The following ANKFY1 variants were observed in gnomAD, a reference collection of about 807,000 sequenced individuals.
ANKFY1 encodes ankyrin repeat and FYVE domain containing 1.
ANKFY1 carries 47 observed loss-of-function variants against 128.3 expected under a neutral mutation model. That is an observed-to-expected ratio of 0.37 (90% CI 0.29 to 0.47). The LOEUF is 0.47. Ranked by LOEUF, ANKFY1 falls within the 20% of genes least tolerant of loss-of-function variation. The probability of loss-of-function intolerance (pLI) is 1.00; values close to 1 mark genes in which losing one functional copy is unlikely to be tolerated. For missense variants in ANKFY1, 1,222 were observed against 1,510.6 expected (o/e 0.81, Z 3.17); for synonymous variants, 553 against 601.6 (o/e 0.92, Z 1.18).
At chr17:4,172,430 G>C (rs1292245875) in intron 22 of ANKFY1, 126 bp downstream of exon 22, 1 of 1,335,414 alleles carries the variant, frequency 7.5e-7, no homozygotes, top group South Asian at 1.4e-5. Flanking sequence ...ACTCACACCC[G>C]GAGGGCCCAA....
chr17:4,218,387 G>T (rs1437461584), intron 3 of ANKFY1, among the ~76,000 whole-genome samples: 1 of 152,170 alleles, frequency 6.6e-6, no homozygotes, highest in Non-Finnish European at 1.5e-5. Context: ...AAACTAGATA[G>T]ATATATATTC....
chr17:4,166,405 C>T lies in ANKFY1; in HGVS notation c.*1374G>A, dbSNP rs1343925408. On this transcript the variant is annotated 3_prime_UTR_variant, in exon 25 of 25. Transcript: ENST00000341657. ...AGATTGTTAATCTCTGAGTATAACA[C>T]ATATTGTTCATCTCAGAGTTGTTTT... is the stretch of plus-strand genomic sequence containing the variant. 2.0e-5 allele frequency: 3 copies of T among 152,656 alleles called. No individual in the cohort carries two copies. The highest frequency in any genetic ancestry group is 1.9e-4 in the East Asian group (1 of 5,200). The allele number at this position is 152,656 out of a possible 1,614,324, so 9.5% of individuals were successfully genotyped here.
rs1008426244 is a variant in ANKFY1, at chr17:4,184,666, C to T, written c.1699+152G>A. Reference sequence around the variant, plus strand: ...GAAGCAGCAGTCAAGAGCCAGACTACATGCTTCTCTAGTTTGACCTGAAAG... The same window carrying T: ...GAAGCAGCAGTCAAGAGCCAGACTATATGCTTCTCTAGTTTGACCTGAAAG... On this transcript the variant is annotated intron_variant, in intron 12 of 24. Transcript: ENST00000341657. The T allele has an allele frequency of 1.1e-5, 9 of 803,238 alleles. No homozygotes were observed. In the African/African-American group the frequency reaches 1.4e-4, roughly 12 times the overall value. The allele number at this position is 803,238 out of a possible 1,614,324, so 49.8% of individuals were successfully genotyped here.
rs1249004885 is a variant in ANKFY1 at position 4,166,820 on chromosome 17, T to C, written c.*959A>G. ...CCTCTCATCACTTGGCCTGTATGAA[T>C]CTCTTGCTCTAAAAGATGCTCTGTA... On this transcript the variant is annotated 3_prime_UTR_variant, in exon 25 of 25. Transcript: ENST00000341657. The C allele has an allele frequency of 6.6e-6, 1 of 152,280 alleles. No homozygotes were observed. Among genetic ancestry groups the C allele is most frequent in the Non-Finnish European group, 1.5e-5 (1 of 68,038 alleles). The allele number at this position is 152,280 out of a possible 1,614,324, so 9.4% of individuals were successfully genotyped here. A position where few individuals can be genotyped will look rare whatever the true frequency, so the allele number is the denominator to read the frequency against.
chr17:4,189,962 T>G (rs2059688483), intron 10 of ANKFY1, among the ~76,000 whole-genome samples: 1 of 152,164 alleles, frequency 6.6e-6, no homozygotes, highest in Non-Finnish European at 1.5e-5. Context: ...TCCCTGGGAT[T>G]CCCGCTAGCC....
At chr17:4,217,148 A>G in intron 3 of ANKFY1, 30 bp from the exon 4 acceptor site, 1 of 1,603,960 alleles carries the variant, frequency 6.2e-7, no homozygotes, top group Non-Finnish European at 8.5e-7. Flanking sequence ...ACAACTGAAA[A>G]AGCATAGAAT....
chr17:4,194,969 G>C lies in ANKFY1; in HGVS notation c.1372+9C>G, dbSNP rs202208375. The C allele has an allele frequency of 4.2e-5, 67 of 1,614,182 alleles. 2 individuals are homozygous for C. The South Asian group carries it at 7.1e-4, about 17-fold the overall frequency. On this transcript the variant is annotated intron_variant, in intron 10 of 24. Coordinates refer to ENST00000341657, the MANE Select transcript of ANKFY1 (RefSeq NM_001330063.2). Reference sequence around the variant, plus strand: ...CCAGCGTCGCCCCTTCGGGAGGCACGTGCTTTACCTGTCGCCGTGTCAGGT... The same window carrying C: ...CCAGCGTCGCCCCTTCGGGAGGCACCTGCTTTACCTGTCGCCGTGTCAGGT...
intron 1 of ANKFY1, among the ~76,000 whole-genome samples, chr17:4,250,530 T>C (rs1256621937): frequency 2.0e-5 from 3 of 152,198 alleles, no homozygotes; most frequent in African/African-American, 7.2e-5. Flanking sequence ...CAGAGAGTTA[T>C]ATACTACGCT....
intron 1 of ANKFY1, among the ~76,000 whole-genome samples, chr17:4,243,947 T>A (rs1280694168): frequency 2.6e-5 from 4 of 151,982 alleles, no homozygotes; most frequent in African/African-American, 9.7e-5. Context: ...TTTTTTTTTT[T>A]TGAGACAGAG....
chr17:4,255,220 G>T (rs985369413), intron 1 of ANKFY1, among the ~76,000 whole-genome samples: 1 of 148,364 alleles, frequency 6.7e-6, no homozygotes. Flanking sequence ...CTTTAGCAAT[G>T]AATTAGTGTT....
At chr17:4,250,506 G>T (rs1967768317) in intron 1 of ANKFY1, among the ~76,000 whole-genome samples, 1 of 152,108 alleles carries the variant, frequency 6.6e-6, no homozygotes, top group Admixed American at 6.6e-5. Context: ...GAAATGAAAG[G>T]CAACCTAAAT....
chr17:4,217,052 T>C lies in ANKFY1; in HGVS notation c.389A>G (p.Glu130Gly), dbSNP rs1410278241. The stretch of plus-strand genomic sequence containing the variant: ...CAGTTCAGTCAGGAACACATCATCC[T>C]CTCTGAACTCCAGCTCATCTGTATA... ...WIYTDELEFREDDVFLTELMK... is the reference protein window; with the variant it reads ...WIYTDELEFRGDDVFLTELMK... Residue 130 changes from glutamate to glycine, a missense_variant, in exon 4 of 25, where the codon GAG becomes GGG. Physicochemically the swap from Glu to Gly is moderately conservative, Grantham distance 98. Transcript: ENST00000341657. The C allele has an allele frequency of 6.2e-7, 1 of 1,613,942 alleles. No individual in the cohort carries two copies. The highest frequency in any genetic ancestry group is 2.2e-5 in the East Asian group (1 of 44,894).
In ANKFY1 at chr17:4,195,437, C is replaced by A. The variant is rs751393460; in HGVS notation, c.1138G>T (p.Glu380Ter). The A allele has an allele frequency of 6.2e-7, 1 of 1,614,182 alleles. No homozygotes were observed. Among genetic ancestry groups the A allele is most frequent in the Admixed American group, 1.7e-5 (1 of 60,024 alleles). The part of the protein sequence containing the change: ...PLHVSIMAGN[E>*]YVFSQLLQCK... ...TGCAGCAGCTGACTGAACACATATT[C>A]ATTCCCGGCCATGATGGACACATGT... Residue 380 changes from glutamate (E) to a stop codon, truncating the protein, a stop_gained, in exon 9 of 25, where the codon GAA becomes TAA. Coordinates refer to ENST00000341657, the MANE Select transcript of ANKFY1 (RefSeq NM_001330063.2). LOFTEE classifies it high-confidence loss of function.
chr17:4,199,785 G>A (rs2059894281), intron 7 of ANKFY1, among the ~76,000 whole-genome samples: 1 of 152,188 alleles, frequency 6.6e-6, no homozygotes, highest in Admixed American at 6.5e-5. Context: ...TAACTTGGAG[G>A]ATGACAAGGA....
chr17:4,249,423 T>C (rs894660559), intron 1 of ANKFY1, among the ~76,000 whole-genome samples: 4 of 152,370 alleles, frequency 2.6e-5, no homozygotes, highest in African/African-American at 9.6e-5. Context: ...TTATAAGTTA[T>C]TTTTATATGT....
chr17:4,263,483 A>AACCC, intron 1 of ANKFY1: 1 of 695,324 alleles, frequency 1.4e-6, no homozygotes, highest in Non-Finnish European at 2.0e-6. Context: ...ACCCCACCTC[A>AACCC]CCCCAACCCA....
chr17:4,166,215 T>C lies in ANKFY1; in HGVS notation c.*1564A>G, dbSNP rs1390259054. On this transcript the variant is annotated 3_prime_UTR_variant, in exon 25 of 25. Coordinates refer to ENST00000341657, the MANE Select transcript of ANKFY1 (RefSeq NM_001330063.2). ...TTACACACATATTTAGGCAACAGAA[T>C]GTATAAATCTACCGCAATACAGAGG... 1 of 152,216 alleles carries C rather than the reference T, an allele frequency of 6.6e-6. No homozygotes were observed. The highest frequency in any genetic ancestry group is 2.1e-4 in the South Asian group (1 of 4,836). The allele number at this position is 152,216 out of a possible 1,614,324, so 9.4% of individuals were successfully genotyped here. A position where few individuals can be genotyped will look rare whatever the true frequency, so the allele number is the denominator to read the frequency against.
chr17:4,185,765 T>C (rs915471176), intron 11 of ANKFY1, among the ~76,000 whole-genome samples: 1 of 152,106 alleles, frequency 6.6e-6, no homozygotes, highest in East Asian at 1.9e-4. Context: ...ATAAAAATAA[T>C]ATATGCTTAT....
In ANKFY1 at chr17:4,177,195, C is replaced by T; in HGVS notation, c.2706G>A (p.Gln902=). ...GCAGGGGGGTCAACTTGGAGGCATC[C>T]TGGACTCTTGAATTCACATTAGCGT... ...SVHANVNSRV[Q]DASKLTPLHL... Residue 902 remains glutamine (Q), a synonymous_variant, in exon 19 of 25, where the codon CAG becomes CAA. Coordinates refer to ENST00000341657, the MANE Select transcript of ANKFY1 (RefSeq NM_001330063.2). 6.2e-7 allele frequency: 1 copy of T among 1,609,450 alleles called. No individual in the cohort carries two copies.
Sources: allele counts gnomAD v4.1 joint callset (sites outside exome capture counted in the v4.1 genomes callset), GRCh38; gene constraint gnomAD v4.1.1; transcripts MANE v1.5; gene names NCBI Gene and HGNC (gene_info 2026-07-23, HGNC 2026-07-21).